The following ALOX12 variants were observed in gnomAD, a reference collection of about 807,000 sequenced individuals.
ALOX12 encodes the protein arachidonate 12-lipoxygenase, 12S type.
Under a neutral mutation model 85.5 loss-of-function variants are expected in ALOX12, and 62 were observed. That is an observed-to-expected ratio of 0.73 (90% confidence interval 0.59 to 0.90). The LOEUF is 0.90. Ranked by LOEUF, ALOX12 falls within the 40% of genes least tolerant of loss-of-function variation. The pLI, the probability that ALOX12 is intolerant of heterozygous loss-of-function variation, is 0.00. For missense variants in ALOX12, 751 were observed against 856.5 expected, an observed-to-expected ratio of 0.88 and a Z score of 1.54; for synonymous variants, 299 against 332.7, an observed-to-expected ratio of 0.90 and a Z score of 1.10.
At position 6,998,159 on chromosome 17, in the gene ALOX12, G is replaced by A. The variant is rs139032491; in HGVS notation, c.338-350G>A. On this transcript the variant is annotated intron_variant, in intron 2 of 13. Transcript: ENST00000251535. The stretch of plus-strand genomic sequence containing the variant: ...GTAGACAGTAGGTGTAGGTGTATAG[G>A]TGACTAAGATTTCATCACCTTAATT... Among the ~76,000 whole-genome samples, 18 of 152,250 alleles carry A rather than the reference G, an allele frequency of 1.2e-4. No individual in the cohort carries two copies. In the East Asian group the frequency reaches 3.5e-3, roughly 29 times the overall value.
At chr17:7,002,073 C>T (rs15486) in intron 8 of ALOX12, 4 of 490,136 alleles carry the variant, frequency 8.2e-6, no homozygotes, top group African/African-American at 7.8e-5. Flanking sequence ...GCTAGTAAAA[C>T]AAAAGCCATA....
At chr17:7,006,125 A>G in intron 10 of ALOX12, 98 bp downstream of exon 10, 1 of 995,798 alleles carries the variant, frequency 1.0e-6, no homozygotes, top group Non-Finnish European at 1.5e-6. Context: ...CAGAAAGGAG[A>G]AGCAGAGAAC....
chr17:7,005,175 G>T (rs1036114791), intron 8 of ALOX12, 82 bp from the exon 9 acceptor site: 2 of 1,202,398 alleles, frequency 1.7e-6, no homozygotes, highest in Non-Finnish European at 2.5e-6. Flanking sequence ...AGGAGAAGGC[G>T]CCATGCTGGG....
At chr17:7,005,393 T>G (rs1164033838) in intron 9 of ALOX12, 50 bp downstream of exon 9, 1 of 1,498,516 alleles carries the variant, frequency 6.7e-7, no homozygotes, top group South Asian at 1.1e-5. Context: ...CTCCATGATC[T>G]GCCACTTTCA....
intron 11 of ALOX12, among the ~76,000 whole-genome samples, chr17:7,007,388 G>A (rs748311754): frequency 2.0e-5 from 3 of 152,168 alleles, no homozygotes; most frequent in Non-Finnish European, 4.4e-5. Flanking sequence ...TCTAGGCTGT[G>A]AATACCATCC....
In ALOX12 at chr17:7,010,015, C is replaced by G; in HGVS notation, c.1701C>G (p.Thr567=). 2 of 1,614,224 alleles carry G rather than the reference C, an allele frequency of 1.2e-6. No individual in the cohort carries two copies. The highest frequency in any genetic ancestry group is 1.7e-6 in the Non-Finnish European group (2 of 1,180,042). Residue 567 remains threonine (T), a synonymous_variant, in exon 13 of 14, where the codon ACC becomes ACG. Transcript: ENST00000251535. Reference sequence around the variant, plus strand: ...GCACAATGCGGATGCCCCCACCCACCACCAAGGAAGATGTGACGATGGCCA... The same window carrying G: ...GCACAATGCGGATGCCCCCACCCACGACCAAGGAAGATGTGACGATGGCCA... The part of the protein sequence containing the change: ...APCTMRMPPP[T]TKEDVTMATV...
At chr17:6,998,874 C>T (rs1908573568) in intron 4 of ALOX12, 37 bp downstream of exon 4, 1 of 1,614,024 alleles carries the variant, frequency 6.2e-7, no homozygotes, top group East Asian at 2.2e-5. Flanking sequence ...GAAATAAGGG[C>T]TGGGAGGGCC....
chr17:7,006,713 C>A lies in ALOX12; in HGVS notation c.1540+106C>A, dbSNP rs540537265. ...GGACCCCAGCCTCTCATCACGCCTC[C>A]CTTCCTCCCTCCACACGGGAAAGCA... On this transcript the variant is annotated intron_variant, in intron 11 of 13. Coordinates refer to ENST00000251535, the MANE Select transcript of ALOX12 (RefSeq NM_000697.3). 2.1e-6 allele frequency: 3 copies of A among 1,413,606 alleles called. No individual in the cohort carries two copies. In the African/African-American group the frequency reaches 4.3e-5, roughly 20 times the overall value. The allele number at this position is 1,413,606 out of a possible 1,614,324, so 87.6% of individuals were successfully genotyped here.
Position 7,010,389 on chromosome 17 carries a change from A to C in ALOX12, c.1958A>C (p.Lys653Thr), listed in dbSNP as rs777210371. 2 of 1,614,208 alleles carry C rather than the reference A, an allele frequency of 1.2e-6. No homozygotes were observed. Among genetic ancestry groups the C allele is most frequent in the Non-Finnish European group, 1.7e-6 (2 of 1,180,028 alleles). Residue 653 changes from lysine to threonine, a missense_variant, in exon 14 of 14, where the codon AAG (lysine) becomes ACG (threonine). Lys to Thr is a moderately conservative substitution (Grantham distance 78). Coordinates refer to ENST00000251535, the MANE Select transcript of ALOX12 (RefSeq NM_000697.3). The stretch of plus-strand genomic sequence containing the variant: ...CTTGACTGGCCCTATGAATATCTGA[A>C]GCCCAGCTGCATAGAGAACAGTGTC... ...EQLDWPYEYL[K>T]PSCIENSVTI
At position 7,010,097 on chromosome 17, in the gene ALOX12, T is replaced by C; in HGVS notation, c.1783T>C (p.Trp595Arg). The C allele has an allele frequency of 1.2e-6, 2 of 1,613,432 alleles. No individual in the cohort carries two copies. Among genetic ancestry groups the C allele is most frequent in the Non-Finnish European group, 1.7e-6 (2 of 1,179,576 alleles). The change falls in exon 13 of 14, where the codon TGG becomes CGG. Residue 595 changes from tryptophan to arginine, a missense_variant. Trp to Arg is a moderately radical substitution (Grantham distance 101, BLOSUM62 -3). Transcript: ENST00000251535. ...RQACLQMAIS[W>R]HLSRRQPDMV... ...GGCCTGTCTTCAAATGGCCATCTCATGGCATCTGAGTCGCCGCCAGCCAGA... is the reference window on the plus strand; with the variant it reads ...GGCCTGTCTTCAAATGGCCATCTCACGGCATCTGAGTCGCCGCCAGCCAGA...
intron 2 of ALOX12, among the ~76,000 whole-genome samples, chr17:6,997,494 G>C (rs1162627742): frequency 6.6e-6 from 1 of 151,940 alleles, no homozygotes; most frequent in Non-Finnish European, 1.5e-5. Flanking sequence ...AGACACCCGT[G>C]AAAGACAAGA....
At chr17:7,004,481 A>C (rs1420795615) in intron 8 of ALOX12, among the ~76,000 whole-genome samples, 2 of 146,968 alleles carry the variant, frequency 1.4e-5, no homozygotes, top group Admixed American at 1.4e-4. Flanking sequence ...ATTTTAATTT[A>C]AAATTAAATA....
At chr17:7,005,373 T>A in intron 9 of ALOX12, 30 bp downstream of exon 9, 1 of 1,550,572 alleles carries the variant, frequency 6.4e-7, no homozygotes, top group Non-Finnish European at 8.9e-7. Flanking sequence ...TGGGACTGCC[T>A]CATCCATCTC....
chr17:7,010,385 C>A lies in ALOX12; in HGVS notation c.1954C>A (p.Leu652Met). Residue 652 changes from leucine (L) to methionine (M), a missense_variant, in exon 14 of 14, where the codon CTG (leucine) becomes ATG (methionine). Leu to Met is a conservative substitution (Grantham distance 15, BLOSUM62 2). Coordinates refer to ENST00000251535, the MANE Select transcript of ALOX12 (RefSeq NM_000697.3). ...GCAACTTGACTGGCCCTATGAATAT[C>A]TGAAGCCCAGCTGCATAGAGAACAG... ...NEQLDWPYEY[L>M]KPSCIENSVT... The A allele has an allele frequency of 1.9e-6, 3 of 1,614,218 alleles. No homozygotes were observed. The East Asian group carries it at 6.7e-5, about 36-fold the overall frequency.
At chr17:7,003,671 TCCTG>T (rs1345612097) in intron 8 of ALOX12, among the ~76,000 whole-genome samples, 1 of 152,178 alleles carries the variant, frequency 6.6e-6, no homozygotes, top group African/African-American at 2.4e-5. Context: ...CAAGCGATCC[TCCTG>T]CCTCAGTCTC....
In ALOX12 at chr17:6,996,959, C is replaced by T. The variant is rs1401315801; in HGVS notation, c.269C>T (p.Ala90Val). ...ACGGTGCAGGGCCCTGGAGCCTGCG[C>T]GGAGGTGGCCTTCCCGTGCTACCGC... ...RITVQGPGACAEVAFPCYRWV... is the reference protein window; with the variant it reads ...RITVQGPGACVEVAFPCYRWV... The change falls in exon 2 of 14, where the codon GCG becomes GTG. Residue 90 changes from alanine (A) to valine (V), a missense_variant. Transcript: ENST00000251535. The T allele has an allele frequency of 6.3e-7, 1 of 1,590,406 alleles. No individual in the cohort carries two copies. Among genetic ancestry groups the T allele is most frequent in the Non-Finnish European group, 8.6e-7 (1 of 1,168,230 alleles).
chr17:7,005,219 C>T lies in ALOX12; in HGVS notation c.1162-38C>T, dbSNP rs554821209. The T allele has an allele frequency of 3.7e-5, 58 of 1,574,754 alleles. No homozygotes were observed. The South Asian group carries it at 6.0e-4, about 16-fold the overall frequency. On this transcript the variant is annotated intron_variant, in intron 8 of 13. Transcript: ENST00000251535. ...CCTACCAGGAAGGACCCAAGCATGG[C>T]CTCCACCAGTCACGCCCTCCAATCT...
At chr17:6,998,649 T>G (rs1367304665) in intron 3 of ALOX12, 59 bp downstream of exon 3, 16 of 656,828 alleles carry the variant, frequency 2.4e-5, no homozygotes, top group Admixed American at 9.2e-5. Flanking sequence ...TCCCTGCCCC[T>G]GCCCCTGCCC....
In ALOX12 at chr17:7,009,772, G is replaced by C. The variant is rs201763084; in HGVS notation, c.1566G>C (p.Gln522His). 6.2e-7 allele frequency: 1 copy of C among 1,614,060 alleles called. No individual in the cohort carries two copies. Among genetic ancestry groups the C allele is most frequent in the African/African-American group, 1.3e-5 (1 of 74,902 alleles). The change falls in exon 12 of 14, where the codon CAG becomes CAC. Residue 522 changes from glutamine (Q) to histidine (H), a missense_variant. Transcript: ENST00000251535. ...GTTTCCCTGTCTCCTTCCAGTCCCAGAGTCAACTCTGCCATTTCCTCACCA... is the reference window on the plus strand; with the variant it reads ...GTTTCCCTGTCTCCTTCCAGTCCCACAGTCAACTCTGCCATTTCCTCACCA... The part of the protein sequence containing the change: ...DRGFPVSFQS[Q>H]SQLCHFLTMC...
Sources: allele counts gnomAD v4.1 joint callset (sites outside exome capture counted in the v4.1 genomes callset), GRCh38; gene constraint gnomAD v4.1.1; transcripts MANE v1.5; gene names NCBI Gene and HGNC (gene_info 2026-07-23, HGNC 2026-07-21).